RAB33A: variants seen among roughly 807,000 people sequenced by gnomAD.
RAB33A encodes RAB33A, member RAS oncogene family, also known as ras-related protein Rab-33A.
In RAB33A, 6 loss-of-function variants were observed where a neutral mutation model predicts 12.0. The observed-to-expected ratio is 0.50, with a 90% CI of 0.27 to 0.99. The LOEUF (loss-of-function observed/expected upper bound fraction) is 0.99, where lower values mean the gene tolerates loss of function less well. Ranked by LOEUF, RAB33A falls within the 50% of genes least tolerant of loss-of-function variation. The pLI is 0.11. For missense variants in RAB33A, 109 were observed against 192.0 expected, an observed-to-expected ratio of 0.57 and a Z score of 2.55; for synonymous variants, 70 against 82.4, an observed-to-expected ratio of 0.85 and a Z score of 0.81.
At chrX:130,161,210 A>T in the RAB33A span, among the ~76,000 whole-genome samples, 2 of 110,899 alleles carry the variant, frequency 1.8e-5, no homozygotes, top group Non-Finnish European at 3.8e-5. Flanking sequence ...TGATTTTTCC[A>T]GCATGGAGAA....
chrX:130,140,492 G>A, the RAB33A span: 2 of 1,088,357 alleles, frequency 1.8e-6, no homozygotes, highest in African/African-American at 1.8e-5. Flanking sequence ...AAACTTGAAT[G>A]AGCTGTATCA....
At chrX:130,113,222 A>C in the RAB33A span, among the ~76,000 whole-genome samples, 1 of 104,834 alleles carries the variant, frequency 9.5e-6, no homozygotes, top group African/African-American at 3.5e-5. Flanking sequence ...CTGGGACTAC[A>C]GGAACCCGCC....
the RAB33A span, among the ~76,000 whole-genome samples, chrX:130,161,042 A>T: frequency 9.0e-6 from 1 of 111,730 alleles, no homozygotes; most frequent in Non-Finnish European, 1.9e-5. Flanking sequence ...ATAGTAGCTA[A>T]ACTAGCAAGT....
chrX:130,138,531 G>T, the RAB33A span: 1 of 784,056 alleles, frequency 1.3e-6, no homozygotes, highest in Non-Finnish European at 2.0e-6. Context: ...ACATCTCTGG[G>T]ATTCACAGAA....
At chrX:130,160,219 T>C in the RAB33A span, among the ~76,000 whole-genome samples, 1 of 111,946 alleles carries the variant, frequency 8.9e-6, no homozygotes, top group Admixed American at 9.5e-5. Flanking sequence ...CCTCCCCACA[T>C]TTTCTTTTCC....
the RAB33A span, among the ~76,000 whole-genome samples, chrX:130,145,725 A>G: frequency 8.9e-6 from 1 of 112,341 alleles, no homozygotes; most frequent in Non-Finnish European, 1.9e-5. Flanking sequence ...TGACTTGCTT[A>G]CATACAGGTA....
the RAB33A span, among the ~76,000 whole-genome samples, chrX:130,121,985 G>A: frequency 4.0e-4 from 45 of 112,270 alleles, no homozygotes; most frequent in African/African-American, 1.4e-3. Context: ...AGTGTGGAGT[G>A]TTCTGAGCCT....
the RAB33A span, among the ~76,000 whole-genome samples, chrX:130,162,164 T>C: frequency 8.9e-6 from 1 of 112,202 alleles, no homozygotes; most frequent in Non-Finnish European, 1.9e-5. Flanking sequence ...ACATAATCCA[T>C]GTCCTCAGGT....
the RAB33A span, among the ~76,000 whole-genome samples, chrX:130,135,472 GA>G: frequency 9.4e-6 from 1 of 106,187 alleles, no homozygotes; most frequent in African/African-American, 3.5e-5. Context: ...TTTGGAGGGG[GA>G]AAAAAATTCC....
chrX:130,137,879 A>G, the RAB33A span: 1 of 385,200 alleles, frequency 2.6e-6, no homozygotes, highest in Non-Finnish European at 3.5e-6. Context: ...CCTGACCAAC[A>G]TGGAGAAACC....
At chrX:130,132,649 G>A in the RAB33A span, among the ~76,000 whole-genome samples, 2 of 111,576 alleles carry the variant, frequency 1.8e-5, no homozygotes, top group African/African-American at 6.5e-5. Context: ...GCAATCCCCC[G>A]GCCTTGGCCT....
chrX:130,132,355 C>T, the RAB33A span, among the ~76,000 whole-genome samples: 1 of 112,454 alleles, frequency 8.9e-6, no homozygotes, highest in African/African-American at 3.2e-5. Flanking sequence ...TTGAAACGTT[C>T]TTGAATTTAT....
the RAB33A span, among the ~76,000 whole-genome samples, chrX:130,121,430 T>C: frequency 9.1e-6 from 1 of 109,753 alleles, no homozygotes; most frequent in Non-Finnish European, 1.9e-5. Flanking sequence ...TTTGCATTTT[T>C]AGTAGAGACA....
At chrX:130,131,760 A>G in the RAB33A span, 1 of 1,211,908 alleles carries the variant, frequency 8.3e-7, no homozygotes, top group Non-Finnish European at 1.1e-6. Context: ...TGTCCACAAG[A>G]CCAATAGCTT....
the RAB33A span, among the ~76,000 whole-genome samples, chrX:130,129,117 T>C: frequency 9.0e-6 from 1 of 111,179 alleles, no homozygotes; most frequent in African/African-American, 3.3e-5. Context: ...TCTTCAGAGA[T>C]AGTGAACTTC....
the RAB33A span, among the ~76,000 whole-genome samples, chrX:130,150,326 CTTTTTTT>C: frequency 6.5e-5 from 4 of 61,650 alleles, no homozygotes; most frequent in South Asian, 8.3e-4. Context: ...TTATTGGAGA[CTTTTTTT>C]TTTTTTTTTT....
chrX:130,143,980 T>C, the RAB33A span, among the ~76,000 whole-genome samples: 2 of 112,041 alleles, frequency 1.8e-5, no homozygotes, highest in Non-Finnish European at 3.8e-5. Context: ...TTACTAGCTA[T>C]GTGAGTTTAG....
the RAB33A span, among the ~76,000 whole-genome samples, chrX:130,111,138 C>T: frequency 4.9e-4 from 53 of 108,902 alleles, no homozygotes; most frequent in African/African-American, 1.7e-3. Flanking sequence ...TCTCATTCCC[C>T]TCGCGGCTCG....
At chrX:130,165,048 C>T in the RAB33A span, among the ~76,000 whole-genome samples, 2 of 109,627 alleles carry the variant, frequency 1.8e-5, no homozygotes, top group African/African-American at 6.7e-5. Context: ...GGTACACAAC[C>T]AACCGACTCC....
Sources: gnomAD v4.1 joint callset for allele counts (sites outside exome capture counted in the v4.1 genomes callset) on GRCh38, gnomAD v4.1.1 for gene constraint, MANE v1.5 for transcripts, NCBI Gene and HGNC (gene_info 2026-07-23, HGNC 2026-07-21) for gene names.